Variants in FHIT observed in about 807,000 individuals in gnomAD.
FHIT encodes fragile histidine triad diadenosine triphosphatase.
In FHIT, 19 loss-of-function variants were observed where a neutral mutation model predicts 17.9. That is an observed-to-expected ratio of 1.06 (90% CI 0.74 to 1.56). The LOEUF (loss-of-function observed/expected upper bound fraction) is 1.56, where lower values mean the gene tolerates loss of function less well. Ranked by LOEUF, FHIT falls within the 40% of genes most tolerant of loss-of-function variation. The pLI is 0.00. For synonymous variants in FHIT, 81 were observed against 69.7 expected, an observed-to-expected ratio of 1.16 and a Z score of -0.81; for missense variants, 248 against 189.2, an observed-to-expected ratio of 1.31 and a Z score of -1.82.
intron 5 of FHIT, among the ~76,000 whole-genome samples, chr3:60,059,823 G>C (rs372604050): frequency 1.3e-5 from 2 of 152,126 alleles, no homozygotes; most frequent in African/African-American, 4.8e-5. Flanking sequence ...ACTCCTTGTA[G>C]CTTTGCAATA....
chr3:60,511,161 T>C (rs192667890), intron 5 of FHIT, among the ~76,000 whole-genome samples: 18 of 152,312 alleles, frequency 1.2e-4, no homozygotes, highest in Admixed American at 3.3e-4. Flanking sequence ...TATCCATCAG[T>C]GAAATTAAAA....
chr3:60,450,244 G>A (rs73098268), intron 5 of FHIT, among the ~76,000 whole-genome samples: 5,067 of 149,746 alleles, frequency 0.034, 112 homozygotes, highest in Non-Finnish European at 0.053. Context: ...ATTGCACTAT[G>A]ACATTACAAT....
At chr3:60,433,451 C>G (rs2029916698) in intron 5 of FHIT, among the ~76,000 whole-genome samples, 1 of 152,080 alleles carries the variant, frequency 6.6e-6, no homozygotes, top group South Asian at 2.1e-4. Context: ...ATTGCTAGAT[C>G]ATGGGGTAAA....
intron 3 of FHIT, among the ~76,000 whole-genome samples, chr3:60,990,654 A>G (rs1430582092): frequency 6.6e-6 from 1 of 152,202 alleles, no homozygotes; most frequent in African/African-American, 2.4e-5. Context: ...GGATCATATG[A>G]TTAGTTCTGA....
At chr3:60,110,330 CT>C (rs1704617076) in intron 5 of FHIT, among the ~76,000 whole-genome samples, 1 of 152,144 alleles carries the variant, frequency 6.6e-6, no homozygotes, top group Non-Finnish European at 1.5e-5. Flanking sequence ...ATTTCACCAT[CT>C]TGAAAATTTC....
intron 5 of FHIT, among the ~76,000 whole-genome samples, chr3:60,500,659 G>C (rs901434289): frequency 4.0e-5 from 6 of 150,990 alleles, no homozygotes; most frequent in Non-Finnish European, 5.9e-5. Flanking sequence ...TGTAATCCTA[G>C]CTACTAGGGA....
intron 5 of FHIT, among the ~76,000 whole-genome samples, 189 bp from the exon 6 acceptor site, chr3:60,014,341 T>C (rs1339883514): frequency 1.3e-5 from 2 of 152,194 alleles, no homozygotes; most frequent in Non-Finnish European, 2.9e-5. Context: ...ACATGGATAA[T>C]TACACTTTGA....
intron 5 of FHIT, among the ~76,000 whole-genome samples, chr3:60,094,890 T>C (rs1449772248): frequency 6.6e-6 from 1 of 152,054 alleles, no homozygotes; most frequent in African/African-American, 2.4e-5. Flanking sequence ...ACCCAAGCGT[T>C]TTAAGTTTAG....
intron 3 of FHIT, among the ~76,000 whole-genome samples, chr3:61,038,131 T>A (rs1212950718): frequency 1.3e-5 from 2 of 152,216 alleles, no homozygotes; most frequent in African/African-American, 4.8e-5. Context: ...AAAATTAATA[T>A]GGAACTTTAA....
chr3:60,824,942 T>C (rs1702062929), intron 3 of FHIT, among the ~76,000 whole-genome samples: 1 of 152,166 alleles, frequency 6.6e-6, no homozygotes, highest in Non-Finnish European at 1.5e-5. Context: ...ATCAGCAGCA[T>C]GAAAACTGAC....
intron 5 of FHIT, among the ~76,000 whole-genome samples, chr3:60,102,546 T>C (rs146614359): frequency 2.6e-5 from 4 of 151,856 alleles, no homozygotes; most frequent in Non-Finnish European, 5.9e-5. Flanking sequence ...ACAATCACCA[T>C]CTCCCCAAGA....
chr3:60,146,587 T>G (rs1436806651), intron 5 of FHIT, among the ~76,000 whole-genome samples: 1 of 152,162 alleles, frequency 6.6e-6, no homozygotes, highest in Non-Finnish European at 1.5e-5. Context: ...GAATGAAGTA[T>G]TCTGATCACC....
At chr3:59,897,406 C>T (rs1427962933) in intron 8 of FHIT, among the ~76,000 whole-genome samples, 1 of 152,162 alleles carries the variant, frequency 6.6e-6, no homozygotes, top group African/African-American at 2.4e-5. Context: ...CCCTAAATAG[C>T]AGGTTTCATG....
At chr3:59,910,477 C>A (rs6446089) in intron 8 of FHIT, among the ~76,000 whole-genome samples, 25 of 152,186 alleles carry the variant, frequency 1.6e-4, no homozygotes, top group South Asian at 6.2e-4. Context: ...CATTTCCCCC[C>A]CTTCTCTTTG....
chr3:60,410,358 A>C (rs1017090520), intron 5 of FHIT, among the ~76,000 whole-genome samples: 2 of 152,220 alleles, frequency 1.3e-5, no homozygotes, highest in Non-Finnish European at 2.9e-5. Flanking sequence ...AGAGGAGAAA[A>C]GAAGACAGAC....
intron 5 of FHIT, among the ~76,000 whole-genome samples, chr3:60,027,134 C>CA (rs1311478100): frequency 0.012 from 1,450 of 119,710 alleles, 47 homozygotes; most frequent in Non-Finnish European, 0.015. Flanking sequence ...CACACACACA[C>CA]ACACACACAC....
chr3:60,491,685 T>C (rs932224514), intron 5 of FHIT, among the ~76,000 whole-genome samples: 3 of 152,214 alleles, frequency 2.0e-5, no homozygotes, highest in African/African-American at 7.2e-5. Flanking sequence ...CTGTATGATA[T>C]TTTAATCATT....
At chr3:60,227,171 G>T (rs370391976) in intron 5 of FHIT, among the ~76,000 whole-genome samples, 1 of 152,002 alleles carries the variant, frequency 6.6e-6, no homozygotes, top group Non-Finnish European at 1.5e-5. Flanking sequence ...TGTGACCACC[G>T]GTGATTCAAA....
intron 5 of FHIT, among the ~76,000 whole-genome samples, chr3:60,427,016 C>T (rs145117204): frequency 1.3e-3 from 202 of 152,058 alleles, no homozygotes; most frequent in African/African-American, 4.6e-3. Context: ...AATTAGGATG[C>T]CAAAATCAAT....
Sources: allele counts gnomAD v4.1 joint callset (sites outside exome capture counted in the v4.1 genomes callset), GRCh38; gene constraint gnomAD v4.1.1; transcripts MANE v1.5; gene names NCBI Gene and HGNC (gene_info 2026-07-23, HGNC 2026-07-21).